MBTD1: variants seen among roughly 807,000 people sequenced by gnomAD.
MBTD1 encodes the protein mbt domain containing 1.
MBTD1 carries 24 observed loss-of-function variants against 87.8 expected under a neutral mutation model. The observed-to-expected ratio is 0.27, with a 90% CI of 0.20 to 0.38. MBTD1 has a LOEUF of 0.38. Ranked by LOEUF, MBTD1 falls within the 10% of genes least tolerant of loss-of-function variation. The pLI, the probability that MBTD1 is intolerant of heterozygous loss-of-function variation, is 1.00. For synonymous variants in MBTD1, 237 were observed against 248.6 expected (o/e 0.95, Z 0.44); for missense variants, 436 against 760.2 (o/e 0.57, Z 5.02).
chr17:51,188,220 C>T (rs1351819744), intron 16 of MBTD1, among the ~76,000 whole-genome samples: 2 of 152,206 alleles, frequency 1.3e-5, no homozygotes, highest in African/African-American at 4.8e-5. Context: ...ATCAGTACTG[C>T]TTTTCCTGCT....
At chr17:51,217,568 T>C (rs534182935) in intron 5 of MBTD1, among the ~76,000 whole-genome samples, 152 bp from the exon 6 acceptor site, 90 of 152,350 alleles carry the variant, frequency 5.9e-4, no homozygotes, top group African/African-American at 2.0e-3. Flanking sequence ...CTTCTCTAAA[T>C]AGCATGAGCT....
intron 2 of MBTD1, among the ~76,000 whole-genome samples, chr17:51,227,273 T>C (rs1307956143): frequency 1.3e-5 from 2 of 148,652 alleles, no homozygotes; most frequent in East Asian, 4.0e-4. Flanking sequence ...AAAAAATTGC[T>C]TTGCTGGCTG....
intron 2 of MBTD1, among the ~76,000 whole-genome samples, chr17:51,230,282 GTGT>G (rs1027876327): frequency 5.9e-5 from 9 of 152,316 alleles, no homozygotes; most frequent in African/African-American, 2.2e-4. Flanking sequence ...ATACAGTGTG[GTGT>G]TATGAACACA....
rs937861818 is a variant in MBTD1, at chr17:51,213,008, G to A, written c.486+4326C>T. 4.4e-4 allele frequency among the ~76,000 whole-genome samples: 67 copies of A among 151,296 alleles called. 1 individual carries two copies. Among genetic ancestry groups the A allele is most frequent in the African/African-American group, 1.6e-3 (65 of 41,184 alleles). On this transcript the variant is annotated intron_variant, in intron 6 of 16. Transcript: ENST00000586178. Reference sequence around the variant, plus strand: ...CTCCCAAAGTGCTGGGATTACAGGCGTGAGTCACCGTGCCTGGCCTGAAGA... The same window carrying A: ...CTCCCAAAGTGCTGGGATTACAGGCATGAGTCACCGTGCCTGGCCTGAAGA...
intron 7 of MBTD1, among the ~76,000 whole-genome samples, chr17:51,204,579 T>C (rs2051703886): frequency 1.4e-5 from 2 of 139,096 alleles, no homozygotes; most frequent in South Asian, 2.3e-4. Flanking sequence ...CTTGGCTCAC[T>C]GCAACCTCTG....
At chr17:51,256,365 G>C (rs1377557123) in intron 2 of MBTD1, 2 of 152,148 alleles carry the variant, frequency 1.3e-5, no homozygotes, top group Admixed American at 6.5e-5. Context: ...ACTTCTACTA[G>C]ACTAAATTCT....
In MBTD1 at chr17:51,180,649, TA is replaced by T; in HGVS notation, c.1813del (p.Tyr605IlefsTer28). 19 of 1,551,316 alleles carry T rather than the reference TA, an allele frequency of 1.2e-5. No individual in the cohort carries two copies. The highest frequency in any genetic ancestry group is 1.7e-5 in the Non-Finnish European group (19 of 1,146,466). ...LKEELLDGED[Y>X]NFLQGASDQE... is the part of the protein sequence containing the mutation. ...ATCAGACGCTCCTTGAAGGAAATTATAATCCTCTCCATCCAGCAACTCCTCC... is the reference window on the plus strand; with the variant it reads ...ATCAGACGCTCCTTGAAGGAAATTATATCCTCTCCATCCAGCAACTCCTCC... On this transcript the variant is annotated frameshift_variant, in exon 17 of 17. Transcript: ENST00000586178. LOFTEE classifies it high-confidence loss of function.
At position 51,194,566 on chromosome 17, in the gene MBTD1, C is replaced by CAAAAAAAAAA. The variant is rs71355733; in HGVS notation, c.1372+638_1372+647dup. On this transcript the variant is annotated intron_variant, in intron 13 of 16. Coordinates refer to ENST00000586178, the MANE Select transcript of MBTD1 (RefSeq NM_017643.3). ...CCTGGGTGACAGAGCGAGACTGTCT[C>CAAAAAAAAAA]AAAAAAAAAAAAAAAAAAAAAAAAA... Among the ~76,000 whole-genome samples the CAAAAAAAAAA allele has an allele frequency of 1.5e-3, 29 of 19,732 alleles. 10 individuals are homozygous for CAAAAAAAAAA. Among genetic ancestry groups the CAAAAAAAAAA allele is most frequent in the African/African-American group, 7.6e-3 (29 of 3,804 alleles). The allele number at this position is 19,732 out of a possible 152,430, so 12.9% of individuals were successfully genotyped here.
chr17:51,188,275 T>C (rs977490899), intron 16 of MBTD1, among the ~76,000 whole-genome samples: 2 of 152,098 alleles, frequency 1.3e-5, no homozygotes, highest in Non-Finnish European at 2.9e-5. Flanking sequence ...GACTAGAGAG[T>C]GTCTATGATC....
intron 10 of MBTD1, 134 bp from the exon 11 acceptor site, chr17:51,202,211 G>C: frequency 1.6e-6 from 1 of 633,912 alleles, no homozygotes; most frequent in Non-Finnish European, 2.8e-6. Flanking sequence ...CTACATTTGG[G>C]GTGAATATTC....
At chr17:51,245,910 A>ATC (rs1429465048) in intron 2 of MBTD1, among the ~76,000 whole-genome samples, 2 of 152,174 alleles carry the variant, frequency 1.3e-5, no homozygotes, top group African/African-American at 4.8e-5. Flanking sequence ...TTATATTATG[A>ATC]TCTCATTAAA....
chr17:51,187,199 AATG>A (rs902969756), intron 16 of MBTD1, among the ~76,000 whole-genome samples: 8 of 152,092 alleles, frequency 5.3e-5, no homozygotes, highest in African/African-American at 1.9e-4. Flanking sequence ...AAGGCAGAAG[AATG>A]AGGATGGCTT....
At chr17:51,236,006 G>A (rs553669335) in intron 2 of MBTD1, among the ~76,000 whole-genome samples, 4 of 151,600 alleles carry the variant, frequency 2.6e-5, no homozygotes, top group East Asian at 1.9e-4. Context: ...TCTATCTATC[G>A]GTCTCTCTCT....
At position 51,180,598 on chromosome 17, in the gene MBTD1, A is replaced by G. The variant is rs1429411344; in HGVS notation, c.1865T>C (p.Phe622Ser). 6.5e-7 allele frequency: 1 copy of G among 1,549,454 alleles called. No homozygotes were observed. The highest frequency in any genetic ancestry group is 2.4e-5 in the East Asian group (1 of 40,922). Residue 622 changes from phenylalanine to serine, a missense_variant, in exon 17 of 17, where the codon TTC (phenylalanine) becomes TCC (serine). Around this residue, in one of 5 missense-constraint regions of MBTD1, gnomAD observed 32 missense variants for 34.7 expected, o/e 0.92. Coordinates refer to ENST00000586178, the MANE Select transcript of MBTD1 (RefSeq NM_017643.3). ...SDQESNGSAN[F>S]YIKQEP ...ACCTCATGGCTCTTGTTTGATGTAGAAGTTGGCAGAGCCATTGCTTTCCTG... is the reference window on the plus strand; with the variant it reads ...ACCTCATGGCTCTTGTTTGATGTAGGAGTTGGCAGAGCCATTGCTTTCCTG...
At chr17:51,206,107 T>C (rs978698245) in intron 7 of MBTD1, among the ~76,000 whole-genome samples, 7 of 152,288 alleles carry the variant, frequency 4.6e-5, no homozygotes, top group Admixed American at 4.6e-4. Context: ...GGATATCATC[T>C]TTTGTCCACA....
intron 2 of MBTD1, among the ~76,000 whole-genome samples, chr17:51,235,307 T>C (rs1013960123): frequency 6.6e-5 from 10 of 152,080 alleles, no homozygotes; most frequent in African/African-American, 2.4e-4. Context: ...AGCTAATTTT[T>C]GTATTTTTAG....
chr17:51,236,083 TA>T (rs1217144203), intron 2 of MBTD1, among the ~76,000 whole-genome samples: 1 of 152,026 alleles, frequency 6.6e-6, no homozygotes, highest in African/African-American at 2.4e-5. Context: ...ATATAGAGTG[TA>T]TATATATATC....
At chr17:51,183,344 G>GT (rs2050401662) in intron 16 of MBTD1, 1 of 151,822 alleles carries the variant, frequency 6.6e-6, no homozygotes, top group South Asian at 2.1e-4. Context: ...GCTAATTTTT[G>GT]TATTTTCAGT....
At chr17:51,191,532 A>C (rs1271080422) in intron 16 of MBTD1, 3 of 152,174 alleles carry the variant, frequency 2.0e-5, no homozygotes, top group Non-Finnish European at 1.5e-5. Context: ...CTTTCTAGGA[A>C]AAATGGGTTT....
Sources: gnomAD v4.1 joint callset for allele counts (sites outside exome capture counted in the v4.1 genomes callset) on GRCh38, gnomAD v4.1.1 for gene constraint, gnomAD v4.1.1 regional missense constraint, MANE v1.5 for transcripts, NCBI Gene and HGNC (gene_info 2026-07-23, HGNC 2026-07-21) for gene names.